LIN54: variants seen among roughly 807,000 people sequenced by gnomAD.
The protein encoded by LIN54 is lin-54 DREAM MuvB core complex component, also known as protein lin-54 homolog.
A neutral mutation model predicts 78.7 loss-of-function variants in LIN54; 9 were observed. The observed-to-expected ratio is 0.11, with a 90% CI of 0.07 to 0.20. The LOEUF (loss-of-function observed/expected upper bound fraction) is 0.20. LIN54 is among the 10% of genes least tolerant of loss of function. LIN54 has a pLI of 1.00. For missense variants in LIN54, 573 were observed against 889.9 expected (o/e 0.64, Z 4.53); for synonymous variants, 269 against 318.4 (o/e 0.84, Z 1.65).
intron 3 of LIN54, among the ~76,000 whole-genome samples, chr4:82,971,030 G>C (rs1725605652): frequency 6.6e-6 from 1 of 152,074 alleles, no homozygotes; most frequent in African/African-American, 2.4e-5. Flanking sequence ...TTCCCTTCTG[G>C]ACAAGACCCT....
chr4:82,977,073 C>A (rs1177740593), intron 3 of LIN54, among the ~76,000 whole-genome samples: 1 of 152,130 alleles, frequency 6.6e-6, no homozygotes, highest in East Asian at 1.9e-4. Flanking sequence ...GAACTCTTGA[C>A]AATAACCAAA....
intron 4 of LIN54, among the ~76,000 whole-genome samples, chr4:82,967,839 T>C (rs1414498019): frequency 6.6e-6 from 1 of 152,134 alleles, no homozygotes; most frequent in African/African-American, 2.4e-5. Context: ...TAATCTTCCT[T>C]CTGATCAGAA....
Position 82,953,215 on chromosome 4 carries a change from G to A in LIN54, c.952-6741C>T, listed in dbSNP as rs147924101. 6.3e-3 allele frequency among the ~76,000 whole-genome samples: 964 copies of A among 152,088 alleles called. 16 individuals are homozygous for A. The highest frequency in any genetic ancestry group is 0.022 in the African/African-American group (901 of 41,478). ...TGTTGCCCAGGCTGATCTTGAACTCGTGGGCTCAAGCAACCCTCCCACCTC... is the reference window on the plus strand; with the variant it reads ...TGTTGCCCAGGCTGATCTTGAACTCATGGGCTCAAGCAACCCTCCCACCTC... On this transcript the variant is annotated intron_variant, in intron 4 of 12. Coordinates refer to ENST00000340417, the MANE Select transcript of LIN54 (RefSeq NM_194282.4).
chr4:82,958,837 G>C (rs1322899367), intron 4 of LIN54, among the ~76,000 whole-genome samples: 1 of 152,004 alleles, frequency 6.6e-6, no homozygotes, highest in Non-Finnish European at 1.5e-5. Flanking sequence ...CAAGTAGCTG[G>C]GATAACAAGC....
chr4:82,932,147 T>C (rs1303639318), intron 11 of LIN54, among the ~76,000 whole-genome samples: 1 of 145,350 alleles, frequency 6.9e-6, no homozygotes, highest in Non-Finnish European at 1.5e-5. Context: ...CAGGCTGGAG[T>C]GCAGTGGCGC....
At chr4:82,936,616 A>G (rs1404390779) in intron 9 of LIN54, among the ~76,000 whole-genome samples, 3 of 152,196 alleles carry the variant, frequency 2.0e-5, no homozygotes, top group Non-Finnish European at 4.4e-5. Context: ...TAGTCCAACC[A>G]ATAACAGCTG....
intron 4 of LIN54, among the ~76,000 whole-genome samples, chr4:82,960,542 T>C (rs567940097): frequency 1.3e-5 from 2 of 151,986 alleles, no homozygotes; most frequent in Admixed American, 6.6e-5. Flanking sequence ...CAAACCATCC[T>C]CCTGCTTCAG....
chr4:82,949,828 C>T (rs1248664811), intron 4 of LIN54, among the ~76,000 whole-genome samples: 1 of 148,366 alleles, frequency 6.7e-6, no homozygotes, highest in East Asian at 2.0e-4. Flanking sequence ...TTGTTTAATG[C>T]AGTCCATTTA....
At chr4:82,937,075 C>T (rs1332459019) in intron 9 of LIN54, 152 bp downstream of exon 9, 1 of 655,808 alleles carries the variant, frequency 1.5e-6, no homozygotes, top group Non-Finnish European at 2.8e-6. Flanking sequence ...TATTTTTACA[C>T]TGCCATATAT....
At chr4:83,012,362 G>C (rs372254189), upstream of LIN54, among the ~76,000 whole-genome samples, 7 of 152,260 alleles carry the variant, frequency 4.6e-5, no homozygotes, top group South Asian at 8.3e-4. Flanking sequence ...ACGCGGCGGC[G>C]GGCAGTAGGG....
At chr4:82,973,133 C>T (rs1725822465) in intron 3 of LIN54, among the ~76,000 whole-genome samples, 3 of 151,868 alleles carry the variant, frequency 2.0e-5, no homozygotes, top group African/African-American at 7.3e-5. Context: ...TTTAAAAATT[C>T]AGTTTATAAT....
At chr4:82,967,847 G>C (rs1401624295) in intron 4 of LIN54, among the ~76,000 whole-genome samples, 1 of 152,120 alleles carries the variant, frequency 6.6e-6, no homozygotes, top group East Asian at 1.9e-4. Flanking sequence ...CTTCTGATCA[G>C]AAGACAAAAT....
chr4:83,012,450 G>A (rs1014887507), upstream of LIN54, among the ~76,000 whole-genome samples: 1 of 152,152 alleles, frequency 6.6e-6, no homozygotes, highest in Non-Finnish European at 1.5e-5. Context: ...GTGGCTTGTT[G>A]GGTCGCGCAG....
intron 1 of LIN54, among the ~76,000 whole-genome samples, chr4:82,989,986 A>G (rs568827409): frequency 1.3e-5 from 2 of 152,278 alleles, no homozygotes; most frequent in South Asian, 4.1e-4. Context: ...TTTCAATCCT[A>G]CCTCTCAACT....
rs529772064 is a variant in LIN54, at chr4:82,926,502, C to T, written c.*1600G>A. 12 of 152,622 alleles carry T rather than the reference C, an allele frequency of 7.9e-5. No individual in the cohort carries two copies. In the East Asian group the frequency reaches 2.1e-3, roughly 27 times the overall value. 9.5% of individuals were successfully genotyped at this position (152,622 alleles called of 1,614,324 possible). A position where few individuals can be genotyped will look rare whatever the true frequency, so the allele number is the denominator to read the frequency against. Reference sequence around the variant, plus strand: ...TATGAACATATATACACACTTAATACATACAACTATAGAGTCCTTGTAGGA... The same window carrying T: ...TATGAACATATATACACACTTAATATATACAACTATAGAGTCCTTGTAGGA... On this transcript the variant is annotated 3_prime_UTR_variant, in exon 13 of 13. Coordinates refer to ENST00000340417, the MANE Select transcript of LIN54 (RefSeq NM_194282.4).
At chr4:82,928,534 C>A (rs555279232) in intron 12 of LIN54, among the ~76,000 whole-genome samples, 1 of 152,252 alleles carries the variant, frequency 6.6e-6, no homozygotes, top group South Asian at 2.1e-4. Context: ...ACATAAAACA[C>A]GTTACTTATT....
chr4:82,950,063 C>G (rs1409680939), intron 4 of LIN54, among the ~76,000 whole-genome samples: 1 of 152,086 alleles, frequency 6.6e-6, no homozygotes, highest in East Asian at 1.9e-4. Flanking sequence ...CCAGGCTGGT[C>G]TTTAACTATT....
chr4:82,998,628 CAG>C (rs1231462588), intron 1 of LIN54, among the ~76,000 whole-genome samples: 2 of 151,128 alleles, frequency 1.3e-5, no homozygotes, highest in African/African-American at 2.4e-5. Flanking sequence ...GAGAAAGAAA[CAG>C]AGAAAGAAAA....
At chr4:82,935,477 G>A (rs1462341378) in intron 11 of LIN54, among the ~76,000 whole-genome samples, 5 of 151,422 alleles carry the variant, frequency 3.3e-5, no homozygotes, top group South Asian at 2.1e-4. Context: ...TAGTACAGAC[G>A]GGGTTTCACC....
Sources: gnomAD v4.1 joint callset for allele counts (sites outside exome capture counted in the v4.1 genomes callset) on GRCh38, gnomAD v4.1.1 for gene constraint, MANE v1.5 for transcripts, NCBI Gene and HGNC (gene_info 2026-07-23, HGNC 2026-07-21) for gene names.